Variants in LIMD1 observed in about 807,000 individuals in gnomAD.
The protein encoded by LIMD1 is LIM domain containing 1, also known as LIM domain-containing protein 1.
Under a neutral mutation model 58.4 loss-of-function variants are expected in LIMD1, and 23 were observed. The observed-to-expected ratio is 0.39, with a 90% CI of 0.28 to 0.56. LIMD1 has a LOEUF of 0.56. LIMD1 is among the 20% of genes least tolerant of loss of function. The pLI is 0.57. For missense variants in LIMD1, 838 were observed against 855.5 expected (o/e 0.98, Z 0.25); for synonymous variants, 334 against 345.5 (o/e 0.97, Z 0.37).
At chr3:45,604,314 A>G (rs994441110) in intron 1 of LIMD1, among the ~76,000 whole-genome samples, 10 of 152,152 alleles carry the variant, frequency 6.6e-5, no homozygotes, top group African/African-American at 2.4e-4. Context: ...CTCTGAAGGG[A>G]TGTGACTACA....
In LIMD1 at chr3:45,595,183, G is replaced by A. The variant is rs1315192188; in HGVS notation, c.304G>A (p.Ala102Thr). ...GGGCAGCAAGCTGACTGTGGATGGT[G>A]CTGCCAAGCCTCCTCTTGCTGCCTC... The part of the protein sequence containing the change: ...VVGSKLTVDG[A>T]AKPPLAASTG... The change falls in exon 1 of 8, where the codon GCT (alanine) becomes ACT (threonine). Residue 102 changes from alanine (A) to threonine (T), a missense_variant. Ala to Thr is a moderately conservative substitution (Grantham distance 58, BLOSUM62 0). Around this residue, in one of 3 missense-constraint regions of LIMD1, gnomAD observed 659 missense variants for 639.8 expected, o/e 1.03. Coordinates refer to ENST00000273317, the MANE Select transcript of LIMD1 (RefSeq NM_014240.3). 1.2e-6 allele frequency: 2 copies of A among 1,603,216 alleles called. No individual in the cohort carries two copies. Among genetic ancestry groups the A allele is most frequent in the Middle Eastern group, 1.7e-4 (1 of 6,018 alleles).
chr3:45,679,158 T>C lies in LIMD1; in HGVS notation c.*2099T>C, dbSNP rs1697706981. ...TGGGATTTGTTTGCAAATTGGGTAA[T>C]TAGTTTAAAAATCTGTGATTACATT... On this transcript the variant is annotated 3_prime_UTR_variant, in exon 8 of 8. Transcript: ENST00000273317. 1 of 152,238 alleles carries C rather than the reference T, an allele frequency of 6.6e-6. No homozygotes were observed. The highest frequency in any genetic ancestry group is 2.4e-5 in the African/African-American group (1 of 41,460). 9.4% of individuals were successfully genotyped at this position (152,238 alleles called of 1,614,324 possible).
chr3:45,600,759 CCTTT>C (rs1235022170), intron 1 of LIMD1, among the ~76,000 whole-genome samples: 2 of 152,178 alleles, frequency 1.3e-5, no homozygotes, highest in African/African-American at 4.8e-5. Flanking sequence ...TCCTCTTCTC[CCTTT>C]CTAAGGAAAA....
intron 2 of LIMD1, among the ~76,000 whole-genome samples, chr3:45,637,275 T>G (rs1701798189): frequency 1.5e-5 from 2 of 133,204 alleles, no homozygotes; most frequent in African/African-American, 6.1e-5. Context: ...GTGAGGCAAG[T>G]GTATTAATTT....
chr3:45,662,847 G>C (rs537249515), intron 2 of LIMD1, among the ~76,000 whole-genome samples: 36 of 152,256 alleles, frequency 2.4e-4, no homozygotes, highest in Non-Finnish European at 4.9e-4. Context: ...AGCCGGGTAT[G>C]GTGGTGAGTG....
At chr3:45,614,240 C>T (rs1340660947) in intron 1 of LIMD1, among the ~76,000 whole-genome samples, 1 of 151,814 alleles carries the variant, frequency 6.6e-6, no homozygotes. Flanking sequence ...TACAGAAATC[C>T]TCTTAGGCTG....
At chr3:45,649,722 A>AT (rs71288020) in intron 2 of LIMD1, among the ~76,000 whole-genome samples, 174 of 145,116 alleles carry the variant, frequency 1.2e-3, no homozygotes, top group Non-Finnish European at 2.2e-3. Context: ...ATATATATAT[A>AT]AAATTATATA....
In LIMD1 at chr3:45,595,403, C is replaced by T. The variant is rs1337194334; in HGVS notation, c.524C>T (p.Thr175Ile). ...PGPCEDPSCLTHGDYYDNLSL... is the reference protein window; with the variant it reads ...PGPCEDPSCLIHGDYYDNLSL... ...CCCTGTGAGGATCCTTCCTGCCTCA[C>T]TCATGGAGACTATTATGACAACCTC... The change falls in exon 1 of 8, where the codon ACT (threonine) becomes ATT (isoleucine). Residue 175 changes from threonine (T) to isoleucine (I), a missense_variant. Coordinates refer to ENST00000273317, the MANE Select transcript of LIMD1 (RefSeq NM_014240.3). The T allele has an allele frequency of 2.5e-5, 41 of 1,614,018 alleles. No homozygotes were observed. Among genetic ancestry groups the T allele is most frequent in the Non-Finnish European group, 3.5e-5 (41 of 1,180,034 alleles).
At chr3:45,648,856 G>A (rs2125662564) in intron 2 of LIMD1, among the ~76,000 whole-genome samples, 1 of 152,116 alleles carries the variant, frequency 6.6e-6, no homozygotes, top group African/African-American at 2.4e-5. Context: ...TACATTTATT[G>A]GCCATTGGTA....
chr3:45,601,544 G>A (rs1701413029), intron 1 of LIMD1, among the ~76,000 whole-genome samples: 1 of 152,198 alleles, frequency 6.6e-6, no homozygotes, highest in African/African-American at 2.4e-5. Context: ...GTAGGAGCGG[G>A]TGACTTGGGC....
chr3:45,667,481 G>A (rs1697535274), intron 3 of LIMD1, among the ~76,000 whole-genome samples: 1 of 151,500 alleles, frequency 6.6e-6, no homozygotes, highest in Non-Finnish European at 1.5e-5. Context: ...GTTTTTCCCA[G>A]CTTCCTTTCA....
chr3:45,631,912 A>T (rs1459671448), intron 1 of LIMD1, among the ~76,000 whole-genome samples: 2 of 151,776 alleles, frequency 1.3e-5, no homozygotes, highest in African/African-American at 4.8e-5. Flanking sequence ...AATTCATTTC[A>T]CCTTTCCTTT....
Position 45,595,494 on chromosome 3 carries a change from G to C in LIMD1, c.615G>C (p.Gly205=), listed in dbSNP as rs1229957363. ...GVSPSIGLSV[G]SGWPSSPGSD... is the part of the protein sequence containing the mutation. ...CCCCCAGCATCGGCCTGAGTGTAGG[G>C]AGTGGGTGGCCTAGCTCCCCGGGGA... Residue 205 remains glycine, a synonymous_variant, in exon 1 of 8, where the codon GGG becomes GGC. Coordinates refer to ENST00000273317, the MANE Select transcript of LIMD1 (RefSeq NM_014240.3). The C allele has an allele frequency of 5.6e-6, 9 of 1,613,852 alleles. No individual in the cohort carries two copies. In the African/African-American group the frequency reaches 1.2e-4, roughly 22 times the overall value.
intron 1 of LIMD1, among the ~76,000 whole-genome samples, chr3:45,635,381 G>A (rs1316427569): frequency 6.6e-6 from 1 of 151,958 alleles, no homozygotes; most frequent in African/African-American, 2.4e-5. Context: ...TGAACAGAAG[G>A]GCAGGAGTAG....
At position 45,667,443 on chromosome 3, in the gene LIMD1, GTA is replaced by G. The variant is rs558294453; in HGVS notation, c.1579-850_1579-849del. ...ACAACAGAAACCTCCACCACATGGTGTAGAGTTGCAGAAAGTTTCCCTTTTTT... is the reference window on the plus strand; with the variant it reads ...ACAACAGAAACCTCCACCACATGGTGGAGTTGCAGAAAGTTTCCCTTTTTT... On this transcript the variant is annotated intron_variant, in intron 3 of 7. Coordinates refer to ENST00000273317, the MANE Select transcript of LIMD1 (RefSeq NM_014240.3). 2.0e-3 allele frequency among the ~76,000 whole-genome samples: 306 copies of G among 152,118 alleles called. 1 individual carries two copies. The highest frequency in any genetic ancestry group is 7.3e-3 in the African/African-American group (301 of 41,470).
At chr3:45,674,494 AG>A in intron 7 of LIMD1, 83 bp downstream of exon 7, 1 of 1,032,308 alleles carries the variant, frequency 9.7e-7, no homozygotes, top group Admixed American at 1.9e-5. Flanking sequence ...GGCAAGAGGC[AG>A]TCAACAAGAT....
At chr3:45,656,997 AAGG>A (rs374844488) in intron 2 of LIMD1, among the ~76,000 whole-genome samples, 29 of 152,236 alleles carry the variant, frequency 1.9e-4, no homozygotes, top group Middle Eastern at 6.8e-3. Flanking sequence ...AAATGTCAAT[AAGG>A]AGGATTCTGG....
At chr3:45,644,908 T>A (rs1490631376) in intron 2 of LIMD1, among the ~76,000 whole-genome samples, 2 of 152,162 alleles carry the variant, frequency 1.3e-5, no homozygotes, top group Non-Finnish European at 2.9e-5. Context: ...TAGAATTCAA[T>A]CATGGGATGC....
At chr3:45,627,022 A>C (rs1385367532) in intron 1 of LIMD1, among the ~76,000 whole-genome samples, 1 of 152,204 alleles carries the variant, frequency 6.6e-6, no homozygotes, top group Non-Finnish European at 1.5e-5. Context: ...ATCTTTCAAA[A>C]ATCCACTGTG....
Sources: gnomAD v4.1 joint callset for allele counts (sites outside exome capture counted in the v4.1 genomes callset) on GRCh38, gnomAD v4.1.1 for gene constraint, gnomAD v4.1.1 regional missense constraint, MANE v1.5 for transcripts, NCBI Gene and HGNC (gene_info 2026-07-23, HGNC 2026-07-21) for gene names.